The following ELOVL2 variants were observed in gnomAD, a reference collection of about 807,000 sequenced individuals.
ELOVL2 encodes ELOVL fatty acid elongase 2.
ELOVL2 carries 38 observed loss-of-function variants against 37.7 expected under a neutral mutation model. That is an observed-to-expected ratio of 1.01 (90% confidence interval 0.78 to 1.32). The LOEUF (loss-of-function observed/expected upper bound fraction) is 1.32. ELOVL2 is among the 40% of genes most tolerant of loss of function. The pLI, the probability that ELOVL2 is intolerant of heterozygous loss-of-function variation, is 0.00. For missense variants in ELOVL2, 352 were observed against 363.6 expected, an observed-to-expected ratio of 0.97 and a Z score of 0.26; for synonymous variants, 115 against 122.3, an observed-to-expected ratio of 0.94 and a Z score of 0.40.
At chr6:11,037,923 T>C (rs534691458) in intron 1 of ELOVL2, among the ~76,000 whole-genome samples, 2 of 152,222 alleles carry the variant, frequency 1.3e-5, no homozygotes, top group Non-Finnish European at 2.9e-5. Flanking sequence ...TCCATCCCTG[T>C]AATTTATGGG....
chr6:10,985,549 T>C, intron 7 of ELOVL2, among the ~76,000 whole-genome samples: 1 of 150,930 alleles, frequency 6.6e-6, no homozygotes, highest in Admixed American at 6.6e-5. Flanking sequence ...AGGATCCAGT[T>C]TCAGCTTTCT....
chr6:11,044,159 G>T lies in ELOVL2; in HGVS notation c.3+69C>A. On this transcript the variant is annotated intron_variant, in intron 1 of 7. Transcript: ENST00000354666. This position sits in a 1 kb window ranked among gnomAD's most constrained non-coding sequence, Gnocchi z 5.6. ...GCCGGCGCCCGCTCGGCCCTTTCCC[G>T]CCCGGTGCGTGGGTCCAGGAGAGAA... The T allele has an allele frequency of 7.0e-7, 1 of 1,427,794 alleles. No homozygotes were observed. Among genetic ancestry groups the T allele is most frequent in the Admixed American group, 2.8e-5 (1 of 35,228 alleles). 88.4% of individuals were successfully genotyped at this position (1,427,794 alleles called of 1,614,324 possible).
chr6:11,037,146 C>CAGAGAGGCAGAGAGGGAAAGAGACA (rs1353941743), intron 1 of ELOVL2, among the ~76,000 whole-genome samples: 6 of 128,822 alleles, frequency 4.7e-5, no homozygotes, highest in African/African-American at 1.2e-4. Context: ...GAGAGAGAGA[C>CAGAGAGGCAGAGAGGGAAAGAGACA]AGAGAGGCAG....
intron 7 of ELOVL2, among the ~76,000 whole-genome samples, chr6:10,987,297 C>G (rs1006115468): frequency 6.6e-6 from 1 of 152,058 alleles, no homozygotes; most frequent in Non-Finnish European, 1.5e-5. Flanking sequence ...TTCAAAAAAC[C>G]AGCTCCTGGA....
chr6:10,996,159 A>G (rs1782265404), intron 4 of ELOVL2, among the ~76,000 whole-genome samples: 1 of 152,248 alleles, frequency 6.6e-6, no homozygotes, highest in African/African-American at 2.4e-5. Context: ...ATTGCATAAT[A>G]GGAATCTTGA....
intron 1 of ELOVL2, among the ~76,000 whole-genome samples, chr6:11,027,677 C>T (rs376504133): frequency 4.6e-5 from 7 of 151,080 alleles, no homozygotes; most frequent in Admixed American, 1.3e-4. Flanking sequence ...TATTAATTCA[C>T]CCCCTGCTTT....
chr6:11,025,239 C>G (rs1210178234), intron 1 of ELOVL2, among the ~76,000 whole-genome samples: 2 of 152,168 alleles, frequency 1.3e-5, no homozygotes, highest in South Asian at 2.1e-4. Context: ...ACGCTGCCAA[C>G]CCTGACAGCC....
intron 1 of ELOVL2, among the ~76,000 whole-genome samples, chr6:11,018,555 A>G (rs1411976494): frequency 6.6e-6 from 1 of 152,196 alleles, no homozygotes; most frequent in Non-Finnish European, 1.5e-5. Flanking sequence ...TAATGTTCGT[A>G]AGTCACCTGG....
rs61212546 is a variant in ELOVL2, at chr6:11,029,057, CAAAAAAAAAAA to C, written c.3+15160_3+15170del. Among the ~76,000 whole-genome samples, 167 of 83,564 alleles carry C rather than the reference CAAAAAAAAAAA, an allele frequency of 2.0e-3. 1 individual carries two copies. The highest frequency in any genetic ancestry group is 5.3e-3 in the African/African-American group (123 of 23,384). The allele number at this position is 83,564 out of a possible 152,430, so 54.8% of individuals were successfully genotyped here. A position where few individuals can be genotyped will look rare whatever the true frequency, so the allele number is the denominator to read the frequency against. ...GCAACACGGCAAAACTTTGTCTCTA[CAAAAAAAAAAA>C]AAAAAAAAAAAAAGCTGGGAGTGTT... On this transcript the variant is annotated intron_variant, in intron 1 of 7. Transcript: ENST00000354666.
At chr6:11,017,599 G>C (rs571554386) in intron 1 of ELOVL2, among the ~76,000 whole-genome samples, 1 of 152,288 alleles carries the variant, frequency 6.6e-6, no homozygotes, top group South Asian at 2.1e-4. Context: ...CCCACACATG[G>C]CTCTTGTGTT....
chr6:11,017,566 T>A (rs903428204), intron 1 of ELOVL2, among the ~76,000 whole-genome samples: 1 of 152,222 alleles, frequency 6.6e-6, no homozygotes, highest in Non-Finnish European at 1.5e-5. Context: ...GAACTATTGC[T>A]GCAGTTTGGT....
intron 1 of ELOVL2, among the ~76,000 whole-genome samples, chr6:11,016,531 TAGA>T (rs1782688271): frequency 6.6e-6 from 1 of 152,204 alleles, no homozygotes; most frequent in African/African-American, 2.4e-5. Flanking sequence ...TAGGAATGAA[TAGA>T]TTTCGTACTA....
At chr6:11,009,994 C>T (rs1042865579) in intron 2 of ELOVL2, among the ~76,000 whole-genome samples, 10 of 149,914 alleles carry the variant, frequency 6.7e-5, no homozygotes, top group African/African-American at 9.8e-5. Context: ...ATCCTACCTA[C>T]GGGCCCCGGG....
intron 2 of ELOVL2, among the ~76,000 whole-genome samples, chr6:11,009,280 G>A (rs1002844917): frequency 6.6e-6 from 1 of 152,178 alleles, no homozygotes; most frequent in African/African-American, 2.4e-5. Flanking sequence ...AAACCCTGTA[G>A]GTACCATGCT....
At chr6:10,993,039 A>C (rs1025623648) in intron 5 of ELOVL2, among the ~76,000 whole-genome samples, 1 of 152,158 alleles carries the variant, frequency 6.6e-6, no homozygotes, top group African/African-American at 2.4e-5. Flanking sequence ...CACTTTTTTA[A>C]AAAATAAAAG....
Position 10,987,350 on chromosome 6 carries a change from C to T in ELOVL2, c.765+2353G>A, listed in dbSNP as rs1319046859. ...GGGTTTTTTGTGTCTCTATTTCCTT[C>T]AGTTCTGCTCTGATTTTAGTTATTT... On this transcript the variant is annotated intron_variant, in intron 7 of 7. Transcript: ENST00000354666. Among the ~76,000 whole-genome samples, 4 of 152,208 alleles carry T rather than the reference C, an allele frequency of 2.6e-5. No individual in the cohort carries two copies. The East Asian group carries it at 7.7e-4, about 29-fold the overall frequency.
chr6:11,010,818 A>G lies in ELOVL2; in HGVS notation c.4-9T>C. On this transcript the variant is annotated splice_polypyrimidine_tract_variant and intron_variant, in intron 1 of 7. Coordinates refer to ENST00000354666, the MANE Select transcript of ELOVL2 (RefSeq NM_017770.4). Reference sequence around the variant, plus strand: ...AAGGCCTTTAGATGTTCCTAAAAAGAGAAAGAAAAAATGATTTAAGTGTTT... The same window carrying G: ...AAGGCCTTTAGATGTTCCTAAAAAGGGAAAGAAAAAATGATTTAAGTGTTT... 6.3e-7 allele frequency: 1 copy of G among 1,597,410 alleles called. No individual in the cohort carries two copies. The highest frequency in any genetic ancestry group is 8.5e-7 in the Non-Finnish European group (1 of 1,173,592).
intron 1 of ELOVL2, among the ~76,000 whole-genome samples, chr6:11,039,939 G>A (rs1233564025): frequency 1.3e-5 from 2 of 152,152 alleles, no homozygotes; most frequent in Admixed American, 6.5e-5. Flanking sequence ...GTGATTCAGC[G>A]AGAGATATAC....
rs1781937483 is a variant in ELOVL2, at chr6:10,981,754, G to C, written c.*2027C>G. Reference sequence around the variant, plus strand: ...ACTGGCACGTAAGAATAAGCTGAATGTGATGACCAGTGAGCATATTAGACC... The same window carrying C: ...ACTGGCACGTAAGAATAAGCTGAATCTGATGACCAGTGAGCATATTAGACC... On this transcript the variant is annotated 3_prime_UTR_variant, in exon 8 of 8. Coordinates refer to ENST00000354666, the MANE Select transcript of ELOVL2 (RefSeq NM_017770.4). 6.6e-6 allele frequency: 1 copy of C among 152,188 alleles called. No homozygotes were observed. Among genetic ancestry groups the C allele is most frequent in the African/African-American group, 2.4e-5 (1 of 41,446 alleles). 9.4% of individuals were successfully genotyped at this position (152,188 alleles called of 1,614,324 possible).
Sources: allele counts gnomAD v4.1 joint callset (sites outside exome capture counted in the v4.1 genomes callset), GRCh38; gene constraint gnomAD v4.1.1; non-coding constraint Gnocchi (gnomAD v3.1); transcripts MANE v1.5; gene names NCBI Gene and HGNC (gene_info 2026-07-23, HGNC 2026-07-21).